The following ARL9 variants were observed in gnomAD, a reference collection of about 807,000 sequenced individuals.
ARL9 encodes ADP-ribosylation factor-like protein 9.
A neutral mutation model predicts 27.0 loss-of-function variants in ARL9; 14 were observed. The observed-to-expected ratio is 0.52, with a 90% CI of 0.34 to 0.81. ARL9 has a LOEUF of 0.81. Ranked by LOEUF, ARL9 falls within the 30% of genes least tolerant of loss-of-function variation. ARL9 has a pLI of 0.01. For missense variants in ARL9, 294 were observed against 290.0 expected (o/e 1.01, Z -0.10); for synonymous variants, 106 against 108.7 (o/e 0.98, Z 0.15).
At chr4:56,514,130 C>G (rs2110148330) in intron 2 of ARL9, among the ~76,000 whole-genome samples, 1 of 152,256 alleles carries the variant, frequency 6.6e-6, no homozygotes, top group South Asian at 2.1e-4. Flanking sequence ...ATGATCACGC[C>G]ACTGCATTCC....
chr4:56,506,090 G>A lies in ARL9; in HGVS notation c.228G>A (p.Glu76=). ...AGGAACAATTTAAGGGACAAGAAGA[G>A]AAAGGGGAGAACAAGGACAGCACCT... is the stretch of plus-strand genomic sequence containing the variant. The part of the protein sequence containing the change: ...KEKEQFKGQE[E]KGENKDSTLT... The change falls in exon 1 of 4, where the codon GAG becomes GAA. Residue 76 remains glutamate, a synonymous_variant. Transcript: ENST00000640821. 1 of 1,234,484 alleles carries A rather than the reference G, an allele frequency of 8.1e-7. No homozygotes were observed. Among genetic ancestry groups the A allele is most frequent in the Non-Finnish European group, 1.0e-6 (1 of 989,700 alleles). The allele number at this position is 1,234,484 out of a possible 1,614,324, so 76.5% of individuals were successfully genotyped here.
intron 2 of ARL9, among the ~76,000 whole-genome samples, chr4:56,512,353 A>G (rs1001489845): frequency 6.6e-6 from 1 of 152,062 alleles, no homozygotes; most frequent in African/African-American, 2.4e-5. Context: ...GAGGCTCTTC[A>G]TAAACTGCCT....
intron 1 of ARL9, 86 bp downstream of exon 1, chr4:56,506,227 C>T: frequency 8.3e-7 from 1 of 1,200,882 alleles, no homozygotes; most frequent in Non-Finnish European, 1.0e-6. Context: ...ACGTCGGAGG[C>T]CCCCGACCGC....
At chr4:56,518,620 GGT>G in intron 2 of ARL9, 56 bp from the exon 3 acceptor site, 2 of 1,492,346 alleles carry the variant, frequency 1.3e-6, no homozygotes, top group South Asian at 2.5e-5. Context: ...CTGCTCCCTG[GGT>G]GGGTGCTTCT....
At chr4:56,510,557 A>C (rs1213908293) in intron 1 of ARL9, among the ~76,000 whole-genome samples, 1 of 152,146 alleles carries the variant, frequency 6.6e-6, no homozygotes, top group Non-Finnish European at 1.5e-5. Context: ...ATAGACACGA[A>C]TTCAAGAAGC....
chr4:56,506,773 ATGAT>A (rs1447637139), intron 1 of ARL9: 9 of 513,534 alleles, frequency 1.8e-5, no homozygotes, highest in African/African-American at 2.1e-5. Context: ...ACAATTATGA[ATGAT>A]TAACACAGTT....
chr4:56,518,924 T>A, intron 3 of ARL9, 71 bp downstream of exon 3: 1 of 1,378,508 alleles, frequency 7.3e-7, no homozygotes, highest in Non-Finnish European at 1.0e-6. Flanking sequence ...TTTTAATACC[T>A]AGATAGTCAA....
rs757146757 is a variant in ARL9 at position 56,523,688 on chromosome 4, C to T, written c.619-9C>T. On this transcript the variant is annotated splice_polypyrimidine_tract_variant and intron_variant, in intron 3 of 3. Transcript: ENST00000640821. ...ACTTTGTCCTATTCTTATTCCACTC[C>T]GGATGAAGGATCTTGAAGCAGCCTA... is the stretch of plus-strand genomic sequence containing the variant. 23 of 1,606,376 alleles carry T rather than the reference C, an allele frequency of 1.4e-5. No homozygotes were observed. Among genetic ancestry groups the T allele is most frequent in the African/African-American group, 8.0e-5 (6 of 74,716 alleles).
In ARL9 at chr4:56,505,902, G is replaced by A; in HGVS notation, c.40G>A (p.Glu14Lys). 5 of 1,256,128 alleles carry A rather than the reference G, an allele frequency of 4.0e-6. No homozygotes were observed. Among genetic ancestry groups the A allele is most frequent in the Non-Finnish European group, 5.0e-6 (5 of 1,001,182 alleles). The allele number at this position is 1,256,128 out of a possible 1,614,324, so 77.8% of individuals were successfully genotyped here. A position where few individuals can be genotyped will look rare whatever the true frequency, so the allele number is the denominator to read the frequency against. The change falls in exon 1 of 4, where the codon GAG becomes AAG. Residue 14 changes from glutamate to lysine, a missense_variant. Glu to Lys is a moderately conservative substitution (Grantham distance 56). Transcript: ENST00000640821. ...GKVKKKEKEKETQEEKIGEKG... is the reference protein window; with the variant it reads ...GKVKKKEKEKKTQEEKIGEKG... ...AGTGAAGAAGAAAGAGAAGGAAAAG[G>A]AGACGCAGGAGGAGAAAATCGGAGA...
At chr4:56,516,658 C>T (rs906699830) in intron 2 of ARL9, among the ~76,000 whole-genome samples, 2 of 151,482 alleles carry the variant, frequency 1.3e-5, no homozygotes, top group Non-Finnish European at 2.9e-5. Flanking sequence ...CAGCTGGGTG[C>T]AGTGGCTCAC....
intron 1 of ARL9, 82 bp downstream of exon 1, chr4:56,506,223 G>A (rs1721456019): frequency 8.2e-7 from 1 of 1,217,804 alleles, no homozygotes; most frequent in Non-Finnish European, 1.0e-6. Context: ...TGTTACGTCG[G>A]AGGCCCCCGA....
At chr4:56,520,267 T>TC (rs1721882383) in intron 3 of ARL9, among the ~76,000 whole-genome samples, 1 of 152,176 alleles carries the variant, frequency 6.6e-6, no homozygotes, top group Admixed American at 6.5e-5. Context: ...CCTCCCAAAG[T>TC]TCTGGGATTA....
chr4:56,508,346 C>T (rs996029634), intron 1 of ARL9, among the ~76,000 whole-genome samples: 1 of 152,010 alleles, frequency 6.6e-6, no homozygotes, highest in Non-Finnish European at 1.5e-5. Flanking sequence ...TAAGAGCCAT[C>T]AAAGATTTGC....
At chr4:56,520,162 C>T (rs927515397) in intron 3 of ARL9, among the ~76,000 whole-genome samples, 28 of 152,090 alleles carry the variant, frequency 1.8e-4, no homozygotes, top group Admixed American at 5.2e-4. Flanking sequence ...GCCACCACAC[C>T]CAGCTAATTT....
Position 56,505,913 on chromosome 4 carries a change from G to A in ARL9, c.51G>A (p.Glu17=), listed in dbSNP as rs1721443786. Residue 17 remains glutamate (E), a synonymous_variant, in exon 1 of 4, where the codon GAG becomes GAA. Coordinates refer to ENST00000640821, the MANE Select transcript of ARL9 (RefSeq NM_001363794.2). ...AAGAGAAGGAAAAGGAGACGCAGGA[G>A]GAGAAAATCGGAGAAAAGGGTAGGG... ...KKKEKEKETQ[E]EKIGEKGREE... 1 of 1,243,162 alleles carries A rather than the reference G, an allele frequency of 8.0e-7. No individual in the cohort carries two copies. Among genetic ancestry groups the A allele is most frequent in the African/African-American group, 1.6e-5 (1 of 64,426 alleles). The allele number at this position is 1,243,162 out of a possible 1,614,324, so 77.0% of individuals were successfully genotyped here.
intron 2 of ARL9, among the ~76,000 whole-genome samples, chr4:56,514,032 A>G (rs1721710565): frequency 6.6e-6 from 1 of 152,124 alleles, no homozygotes; most frequent in Admixed American, 6.6e-5. Context: ...TGAGCTGAGC[A>G]TGGTGGTGCA....
At chr4:56,508,003 A>G (rs532744501) in intron 1 of ARL9, among the ~76,000 whole-genome samples, 6 of 151,856 alleles carry the variant, frequency 4.0e-5, no homozygotes, top group South Asian at 2.1e-4. Context: ...TCAAAATGTG[A>G]CATACTCTCA....
upstream of ARL9, chr4:56,505,720 G>A: frequency 1.5e-6 from 2 of 1,350,780 alleles, no homozygotes; most frequent in Non-Finnish European, 1.9e-6. Context: ...GGCGGTGCCG[G>A]GGTTGGCAGC....
intron 1 of ARL9, among the ~76,000 whole-genome samples, chr4:56,506,840 T>C (rs1721480876): frequency 6.7e-6 from 1 of 149,524 alleles, no homozygotes; most frequent in South Asian, 2.1e-4. Flanking sequence ...GTGTTCTTTT[T>C]TGAGACAGGG....
Sources: allele counts gnomAD v4.1 joint callset (sites outside exome capture counted in the v4.1 genomes callset), GRCh38; gene constraint gnomAD v4.1.1; transcripts MANE v1.5; gene names NCBI Gene and HGNC (gene_info 2026-07-23, HGNC 2026-07-21).